Variants in KLF12 observed in about 807,000 individuals in gnomAD.
KLF12 encodes KLF transcription factor 12.
A neutral mutation model predicts 37.8 loss-of-function variants in KLF12; 9 were observed. The observed-to-expected ratio is 0.24, with a 90% CI of 0.14 to 0.42. KLF12 has a LOEUF of 0.42. KLF12 is among the 10% of genes least tolerant of loss of function. The probability of loss-of-function intolerance (pLI) is 1.00; values close to 1 mark genes in which losing one functional copy is unlikely to be tolerated. For synonymous variants in KLF12, 208 were observed against 202.1 expected (o/e 1.03, Z -0.25); for missense variants, 411 against 516.0 (o/e 0.80, Z 1.97).
At chr13:74,297,738 A>G in the KLF12 span, among the ~76,000 whole-genome samples, 5 of 152,348 alleles carry the variant, frequency 3.3e-5, no homozygotes, top group South Asian at 8.3e-4. Context: ...GATTTCTATA[A>G]TTATAAAGAA....
chr13:74,222,258 C>T, the KLF12 span, among the ~76,000 whole-genome samples: 1 of 152,182 alleles, frequency 6.6e-6, no homozygotes, highest in Non-Finnish European at 1.5e-5. Flanking sequence ...TTCTGGATGG[C>T]AGTGAATTAA....
intron 2 of KLF12, among the ~76,000 whole-genome samples, chr13:73,944,605 T>C (rs1002202798): frequency 6.6e-6 from 1 of 152,200 alleles, no homozygotes; most frequent in Non-Finnish European, 1.5e-5. Flanking sequence ...CCTCCAAATA[T>C]CTACTTTAAA....
At chr13:73,793,015 T>C (rs1391035522) in intron 5 of KLF12, among the ~76,000 whole-genome samples, 1 of 152,218 alleles carries the variant, frequency 6.6e-6, no homozygotes, top group Non-Finnish European at 1.5e-5. Context: ...CGTACTCAAC[T>C]GTGCAATTTT....
At chr13:74,220,864 G>A in the KLF12 span, among the ~76,000 whole-genome samples, 2 of 152,142 alleles carry the variant, frequency 1.3e-5, no homozygotes, top group Non-Finnish European at 2.9e-5. Context: ...TTTAAACGCC[G>A]AATAGCATTC....
At chr13:73,960,234 T>C (rs1890977893) in intron 2 of KLF12, 1 of 169,804 alleles carries the variant, frequency 5.9e-6, no homozygotes, top group African/African-American at 2.4e-5. Flanking sequence ...TTGATATAAA[T>C]GACGAATCAC....
intron 6 of KLF12, among the ~76,000 whole-genome samples, chr13:73,717,813 TAGTTACTC>T (rs1391792481): frequency 1.3e-5 from 2 of 152,212 alleles, no homozygotes; most frequent in Non-Finnish European, 2.9e-5. Context: ...AGAACAGCTG[TAGTTACTC>T]CTGACAAGGT....
chr13:73,859,021 A>C (rs528001421), intron 3 of KLF12, among the ~76,000 whole-genome samples: 1 of 152,224 alleles, frequency 6.6e-6, no homozygotes, highest in African/African-American at 2.4e-5. Context: ...GGTGTACGGG[A>C]CAAACATTTT....
intron 1 of KLF12, among the ~76,000 whole-genome samples, chr13:74,084,936 T>G (rs1415045250): frequency 1.3e-5 from 2 of 152,218 alleles, no homozygotes; most frequent in Non-Finnish European, 2.9e-5. Flanking sequence ...CAGGAGGTTT[T>G]GTTGGTTTTT....
At chr13:74,075,702 C>T (rs923350437) in intron 1 of KLF12, among the ~76,000 whole-genome samples, 14 of 152,136 alleles carry the variant, frequency 9.2e-5, no homozygotes, top group Non-Finnish European at 1.6e-4. Flanking sequence ...GAAACTCATA[C>T]CTTTAAACAA....
chr13:74,003,420 A>G (rs967282018), intron 1 of KLF12, among the ~76,000 whole-genome samples: 7 of 152,224 alleles, frequency 4.6e-5, no homozygotes, highest in Non-Finnish European at 8.8e-5. Context: ...CATCCAACTG[A>G]AAGAGGGACT....
the KLF12 span, among the ~76,000 whole-genome samples, chr13:74,256,456 G>T: frequency 6.6e-6 from 1 of 152,122 alleles, no homozygotes; most frequent in Non-Finnish European, 1.5e-5. Flanking sequence ...TGTGGATCTG[G>T]GTGGGACTGT....
chr13:73,907,743 C>G (rs73523243), intron 3 of KLF12, among the ~76,000 whole-genome samples: 6,696 of 152,196 alleles, frequency 0.044, 319 homozygotes, highest in African/African-American at 0.12. Flanking sequence ...CTTCACTGGT[C>G]TTTCGACACT....
chr13:73,974,320 A>AAAAAAAAAAAAAAAAAAT (rs397704620), intron 2 of KLF12, among the ~76,000 whole-genome samples: 4 of 151,504 alleles, frequency 2.6e-5, no homozygotes, highest in East Asian at 3.9e-4. Flanking sequence ...CAAAAAAAAA[A>AAAAAAAAAAAAAAAAAAT]GAATTCTGCA....
Position 73,998,119 on chromosome 13 carries a change from A to C in KLF12, c.-31-3066T>G, listed in dbSNP as rs1028352662. The stretch of plus-strand genomic sequence containing the variant: ...TCAAAGACAGTACACCCTGGACAAC[A>C]GAAGTGACCCTGGCCATAGTGAAAG... On this transcript the variant is annotated intron_variant, in intron 1 of 7. Transcript: ENST00000377669. Among the ~76,000 whole-genome samples, 6 of 152,190 alleles carry C rather than the reference A, an allele frequency of 3.9e-5. 1 individual carries two copies. Among genetic ancestry groups the C allele is most frequent in the Admixed American group, 2.0e-4 (3 of 15,272 alleles).
At chr13:73,779,902 T>C (rs1014931407) in intron 5 of KLF12, among the ~76,000 whole-genome samples, 12 of 152,224 alleles carry the variant, frequency 7.9e-5, no homozygotes, top group African/African-American at 2.9e-4. Context: ...GCAAAATTAA[T>C]TGAAAACCTT....
chr13:74,136,138 T>C (rs1340518526), upstream of KLF12, among the ~76,000 whole-genome samples: 1 of 151,958 alleles, frequency 6.6e-6, no homozygotes, highest in Non-Finnish European at 1.5e-5. Flanking sequence ...TGTCTGAAAT[T>C]TGTGGAGCAC....
intron 4 of KLF12, among the ~76,000 whole-genome samples, chr13:73,833,610 T>C (rs968601590): frequency 1.3e-5 from 2 of 152,158 alleles, no homozygotes; most frequent in Non-Finnish European, 2.9e-5. Flanking sequence ...TGGTGGTATA[T>C]GAATTGCCTT....
intron 6 of KLF12, among the ~76,000 whole-genome samples, chr13:73,761,923 G>A (rs1277133328): frequency 2.0e-5 from 3 of 152,110 alleles, no homozygotes; most frequent in Non-Finnish European, 2.9e-5. Flanking sequence ...AACCCCAAAG[G>A]CTTCATCAAT....
At chr13:73,844,916 C>T (rs1381950244) in intron 4 of KLF12, 1 of 152,002 alleles carries the variant, frequency 6.6e-6, no homozygotes, top group Non-Finnish European at 1.5e-5. Context: ...GGGAATAAGT[C>T]AATGATTATG....
Sources: gnomAD v4.1 joint callset for allele counts (sites outside exome capture counted in the v4.1 genomes callset) on GRCh38, gnomAD v4.1.1 for gene constraint, MANE v1.5 for transcripts, NCBI Gene and HGNC (gene_info 2026-07-23, HGNC 2026-07-21) for gene names.